Variants in USP7 observed in about 807,000 individuals in gnomAD.
USP7 encodes the protein ubiquitin C-terminal hydrolase 7.
Under a neutral mutation model 162.9 loss-of-function variants are expected in USP7, and 9 were observed. The ratio of observed to expected loss-of-function variants is 0.06; its 90% CI spans 0.03 to 0.10. The LOEUF (loss-of-function observed/expected upper bound fraction) is 0.10. Ranked by LOEUF, USP7 falls within the 10% of genes least tolerant of loss-of-function variation. The pLI is 1.00. For missense variants in USP7, 715 were observed against 1,373.7 expected (o/e 0.52, Z 7.58); for synonymous variants, 562 against 475.9 (o/e 1.18, Z -2.35).
intron 3 of USP7, 60 bp downstream of exon 3, chr16:8,923,153 CTT>C (rs1356161059): frequency 4.0e-5 from 11 of 278,294 alleles, no homozygotes; most frequent in South Asian, 2.7e-4. Flanking sequence ...CAGCAAATAA[CTT>C]AAGATAAAAT....
chr16:8,940,858 C>G (rs1371887531), intron 1 of USP7, among the ~76,000 whole-genome samples: 1 of 152,130 alleles, frequency 6.6e-6, no homozygotes, highest in Non-Finnish European at 1.5e-5. Flanking sequence ...GCAGGAGAAT[C>G]ACTTATATAC....
intron 4 of USP7, 92 bp from the exon 5 acceptor site, chr16:8,920,539 A>G: frequency 2.0e-6 from 2 of 1,016,258 alleles, no homozygotes; most frequent in East Asian, 5.3e-5. Context: ...TACTTAATAG[A>G]GATGAAAATA....
chr16:8,958,299 G>C (rs1209421919), intron 1 of USP7, among the ~76,000 whole-genome samples: 1 of 152,178 alleles, frequency 6.6e-6, no homozygotes, highest in East Asian at 1.9e-4. Context: ...CACTTTCCTG[G>C]GGTATCTGTC....
Position 8,893,968 on chromosome 16 carries a change from G to T in USP7, c.*30C>A. ...GCTGTTAAGGGGCCACCCACACACC[G>T]TCCTCGCCTTGAACACACCAGCTTG... On this transcript the variant is annotated 3_prime_UTR_variant, in exon 31 of 31. Transcript: ENST00000344836. 1 of 1,605,720 alleles carries T rather than the reference G, an allele frequency of 6.2e-7. No individual in the cohort carries two copies.
chr16:8,932,571 TTAAC>T (rs1346262123), intron 1 of USP7, among the ~76,000 whole-genome samples: 15 of 152,072 alleles, frequency 9.9e-5, no homozygotes, highest in Non-Finnish European at 1.9e-4. Context: ...TTTTTGCTGG[TTAAC>T]TAGCTCAAAT....
At chr16:8,918,770 T>C (rs569014428) in intron 6 of USP7, among the ~76,000 whole-genome samples, 31 of 152,232 alleles carry the variant, frequency 2.0e-4, no homozygotes, top group East Asian at 1.5e-3. Flanking sequence ...GGTCACACCA[T>C]TGCACTCCAG....
At chr16:8,898,762 G>A (rs141538132) in intron 23 of USP7, 123 bp from the exon 24 acceptor site, 1 of 755,300 alleles carries the variant, frequency 1.3e-6, no homozygotes, top group Non-Finnish European at 2.1e-6. Flanking sequence ...GACCTAGCAT[G>A]GGGTTTAACT....
intron 5 of USP7, among the ~76,000 whole-genome samples, chr16:8,919,809 G>A (rs973391058): frequency 2.6e-5 from 4 of 151,752 alleles, no homozygotes; most frequent in Non-Finnish European, 5.9e-5. Flanking sequence ...GTCACCAAGC[G>A]GGACCAGTGC....
chr16:8,927,599 G>C (rs1596387581), intron 2 of USP7, among the ~76,000 whole-genome samples: 1 of 152,150 alleles, frequency 6.6e-6, no homozygotes, highest in Non-Finnish European at 1.5e-5. Flanking sequence ...ACTTTGGGAA[G>C]CCAAGGCAGG....
Position 8,906,729 on chromosome 16 carries a change from G to A in USP7, c.1272-147C>T, listed in dbSNP as rs550048984. The stretch of plus-strand genomic sequence containing the variant: ...TGGGAAGGCCTATGAAGTACATAAC[G>A]TAATCCGTACTTGATAGAAATAACT... On this transcript the variant is annotated intron_variant, in intron 12 of 30. Coordinates refer to ENST00000344836, the MANE Select transcript of USP7 (RefSeq NM_003470.3). 73 of 731,160 alleles carry A rather than the reference G, an allele frequency of 1.0e-4. No homozygotes were observed. In the African/African-American group the frequency reaches 1.1e-3, roughly 11 times the overall value. The allele number at this position is 731,160 out of a possible 1,614,324, so 45.3% of individuals were successfully genotyped here. A position where few individuals can be genotyped will look rare whatever the true frequency, so the allele number is the denominator to read the frequency against.
chr16:8,955,782 T>TTGA (rs1899773737), intron 1 of USP7, among the ~76,000 whole-genome samples: 1 of 152,066 alleles, frequency 6.6e-6, no homozygotes, highest in Admixed American at 6.6e-5. Context: ...CAAAGTCTTA[T>TTGA]TGATGAAATG....
Position 8,895,026 on chromosome 16 carries a change from C to T in USP7, c.3039+5G>A. Reference sequence around the variant, plus strand: ...TGAGCCACTCGGCCAACCACAACAGCATACCTGGTGTATCCTCAGCAAAAA... The same window carrying T: ...TGAGCCACTCGGCCAACCACAACAGTATACCTGGTGTATCCTCAGCAAAAA... On this transcript the variant is annotated splice_donor_5th_base_variant and intron_variant, in intron 28 of 30. Coordinates refer to ENST00000344836, the MANE Select transcript of USP7 (RefSeq NM_003470.3). 2 of 1,614,250 alleles carry T rather than the reference C, an allele frequency of 1.2e-6. No homozygotes were observed. Among genetic ancestry groups the T allele is most frequent in the Non-Finnish European group, 1.7e-6 (2 of 1,180,048 alleles).
At chr16:8,929,296 C>T (rs1049576315) in intron 2 of USP7, 1 of 354,070 alleles carries the variant, frequency 2.8e-6, no homozygotes, top group African/African-American at 2.2e-5. Context: ...ACACCCACAC[C>T]ATTGCCCTCG....
At chr16:8,903,552 A>G (rs1220977045) in intron 15 of USP7, 150 bp from the exon 16 acceptor site, 1 of 1,055,436 alleles carries the variant, frequency 9.5e-7, no homozygotes, top group East Asian at 2.7e-5. Flanking sequence ...ACCGCATAAA[A>G]TGACCAAAAC....
At chr16:8,903,635 G>A (rs974216848) in intron 15 of USP7, among the ~76,000 whole-genome samples, 2 of 152,154 alleles carry the variant, frequency 1.3e-5, no homozygotes, top group African/African-American at 4.8e-5. Flanking sequence ...GGGAGGCCGA[G>A]GCGGGCGGAT....
intron 18 of USP7, among the ~76,000 whole-genome samples, chr16:8,901,568 C>G (rs987685707): frequency 6.6e-6 from 1 of 152,174 alleles, no homozygotes; most frequent in African/African-American, 2.4e-5. Flanking sequence ...GGGAAGATTG[C>G]GCATGGTCTT....
At chr16:8,942,092 A>C (rs1899071237) in intron 1 of USP7, among the ~76,000 whole-genome samples, 1 of 152,262 alleles carries the variant, frequency 6.6e-6, no homozygotes, top group African/African-American at 2.4e-5. Context: ...GCAAACCGCA[A>C]CAGGAACAGG....
intron 1 of USP7, among the ~76,000 whole-genome samples, chr16:8,943,530 A>G (rs1899140705): frequency 6.6e-6 from 1 of 151,670 alleles, no homozygotes; most frequent in Admixed American, 6.6e-5. Context: ...GCAGGGCCCC[A>G]ATGCCATGAG....
intron 1 of USP7, among the ~76,000 whole-genome samples, chr16:8,938,724 T>A (rs897732830): frequency 3.1e-5 from 4 of 131,090 alleles, no homozygotes; most frequent in Admixed American, 7.4e-5. Flanking sequence ...AAAAAAAAAA[T>A]TGGGGGGACG....
Sources: allele counts gnomAD v4.1 joint callset (sites outside exome capture counted in the v4.1 genomes callset), GRCh38; gene constraint gnomAD v4.1.1; transcripts MANE v1.5; gene names NCBI Gene and HGNC (gene_info 2026-07-23, HGNC 2026-07-21).